The following ITGAL variants were observed in gnomAD, a reference collection of about 807,000 sequenced individuals.
The protein encoded by ITGAL is integrin alpha-L.
A neutral mutation model predicts 138.4 loss-of-function variants in ITGAL; 68 were observed. The observed-to-expected ratio is 0.49, with a 90% confidence interval of 0.40 to 0.60. ITGAL has a LOEUF of 0.60. ITGAL is among the 20% of genes least tolerant of loss of function. ITGAL has a pLI of 0.00. For missense variants in ITGAL, 1,256 were observed against 1,478.6 expected (o/e 0.85, Z 2.47); for synonymous variants, 561 against 584.3 (o/e 0.96, Z 0.57).
intron 4 of ITGAL, among the ~76,000 whole-genome samples, chr16:30,478,446 C>A (rs1424887283): frequency 6.6e-6 from 1 of 151,346 alleles, no homozygotes; most frequent in East Asian, 1.9e-4. Flanking sequence ...TGCCTGTAAT[C>A]CCAGCACTTT....
At chr16:30,479,949 A>C (rs1452996713) in intron 6 of ITGAL, among the ~76,000 whole-genome samples, 1 of 151,392 alleles carries the variant, frequency 6.6e-6, no homozygotes, top group Non-Finnish European at 1.5e-5. Context: ...GTGCACAGCC[A>C]TTTTTTCTTT....
chr16:30,479,069 CT>C, intron 4 of ITGAL, 21 bp from the exon 5 acceptor site: 1 of 1,593,196 alleles, frequency 6.3e-7, no homozygotes. Flanking sequence ...AGACCCAAAT[CT>C]TTGGCCTTTG....
intron 1 of ITGAL, 43 bp from the exon 2 acceptor site, chr16:30,474,153 C>A: frequency 7.0e-7 from 1 of 1,431,432 alleles, no homozygotes; most frequent in Non-Finnish European, 9.6e-7. Context: ...CGTGCAGGGG[C>A]GGGGGTCCCT....
rs771642499 is a variant in ITGAL, at chr16:30,489,104, T to C, written c.1029T>C (p.Thr343=). The C allele has an allele frequency of 2.0e-5, 32 of 1,613,856 alleles. No homozygotes were observed. The East Asian group carries it at 7.1e-4, about 36-fold the overall frequency. ...VIEGTSKQDL[T]SFNMELSSSG... ...CAGGCACAAGCAAACAGGACCTGACTTCCTTCAACATGGAGCTGTCCTCCA... is the reference window on the plus strand; with the variant it reads ...CAGGCACAAGCAAACAGGACCTGACCTCCTTCAACATGGAGCTGTCCTCCA... Residue 343 remains threonine (T), a synonymous_variant, in exon 10 of 31, where the codon ACT becomes ACC. Coordinates refer to ENST00000356798, the MANE Select transcript of ITGAL (RefSeq NM_002209.3).
At position 30,494,479 on chromosome 16, in the gene ITGAL, GATC is replaced by G; in HGVS notation, c.1365+118_1365+120del. The G allele has an allele frequency of 8.3e-7, 1 of 1,209,572 alleles. No individual in the cohort carries two copies. The allele number at this position is 1,209,572 out of a possible 1,614,324, so 74.9% of individuals were successfully genotyped here. A position where few individuals can be genotyped will look rare whatever the true frequency, so the allele number is the denominator to read the frequency against. ...ATGTGGCAGCCCCTGTGCTAAACAT[GATC>G]ACATTTATCCCTCATAACACACAGA... On this transcript the variant is annotated intron_variant, in intron 12 of 30. Coordinates refer to ENST00000356798, the MANE Select transcript of ITGAL (RefSeq NM_002209.3). The surrounding 1 kb of genome is among the most constrained non-coding windows in gnomAD (Gnocchi z 4.2).
intron 6 of ITGAL, chr16:30,480,569 A>G (rs2050538667): frequency 6.6e-6 from 1 of 152,216 alleles, no homozygotes; most frequent in African/African-American, 2.4e-5. Context: ...CCCAGAAAAC[A>G]GGAGCTCAAC....
Position 30,494,136 on chromosome 16 carries a change from G to T in ITGAL, c.1214-76G>T. On this transcript the variant is annotated intron_variant, in intron 11 of 30. Transcript: ENST00000356798. This position sits in a 1 kb window ranked among gnomAD's most constrained non-coding sequence, Gnocchi z 4.2. ...TCTGCTACTAACCCAATTCCCTGGGGCCCCTGCCCCTCTCCTGCTGGGTGT... is the reference window on the plus strand; with the variant it reads ...TCTGCTACTAACCCAATTCCCTGGGTCCCCTGCCCCTCTCCTGCTGGGTGT... The T allele has an allele frequency of 7.2e-7, 1 of 1,381,216 alleles. No individual in the cohort carries two copies. Among genetic ancestry groups the T allele is most frequent in the African/African-American group, 1.4e-5 (1 of 69,862 alleles). 85.6% of individuals were successfully genotyped at this position (1,381,216 alleles called of 1,614,324 possible).
In ITGAL at chr16:30,517,827, C is replaced by T. The variant is rs2051192573; in HGVS notation, c.3064C>T (p.Pro1022Ser). 6.2e-7 allele frequency: 1 copy of T among 1,614,144 alleles called. No individual in the cohort carries two copies. Among genetic ancestry groups the T allele is most frequent in the Non-Finnish European group, 8.5e-7 (1 of 1,180,030 alleles). The change falls in exon 28 of 31, where the codon CCT becomes TCT. Residue 1022 changes from proline (P) to serine (S), a missense_variant. By Grantham distance (74) the Pro-to-Ser change is moderately conservative. This residue lies in a region of ITGAL where 867 missense variants were observed against 972.5 expected (regional missense o/e 0.89). Transcript: ENST00000356798. ...PCLPGALFRC[P>S]VVFRQEILVQ... Reference sequence around the variant, plus strand: ...TCTCCCCGGAGCCCTGTTCCGCTGCCCTGTTGTCTTCAGGCAGGAGATCCT... The same window carrying T: ...TCTCCCCGGAGCCCTGTTCCGCTGCTCTGTTGTCTTCAGGCAGGAGATCCT...
chr16:30,488,327 T>C (rs886842121), intron 9 of ITGAL, among the ~76,000 whole-genome samples: 8 of 151,460 alleles, frequency 5.3e-5, no homozygotes, highest in Non-Finnish European at 8.8e-5. Flanking sequence ...ATTAGGTGAG[T>C]GGGGGTGCCA....
intron 20 of ITGAL, among the ~76,000 whole-genome samples, chr16:30,506,121 A>G (rs1173359102): frequency 1.3e-5 from 2 of 151,854 alleles, no homozygotes; most frequent in Non-Finnish European, 2.9e-5. Context: ...TTAGCCAGGC[A>G]TGGTGGCACG....
At position 30,506,933 on chromosome 16, in the gene ITGAL, A is replaced by G. The variant is rs1020716755; in HGVS notation, c.2508+77A>G. 5 of 1,546,448 alleles carry G rather than the reference A, an allele frequency of 3.2e-6. No homozygotes were observed. In the African/African-American group the frequency reaches 6.8e-5, roughly 21 times the overall value. ...CCCCTTCTTTGAGCCCCAGGCAGCC[A>G]GGACAGCCTGAACACATGGGCAGCT... On this transcript the variant is annotated intron_variant, in intron 21 of 30. Coordinates refer to ENST00000356798, the MANE Select transcript of ITGAL (RefSeq NM_002209.3).
intron 17 of ITGAL, among the ~76,000 whole-genome samples, chr16:30,503,441 C>CTTT (rs3075685): frequency 2.3e-5 from 3 of 133,196 alleles, no homozygotes; most frequent in African/African-American, 5.7e-5. Context: ...TTTTCATTTT[C>CTTT]TTTTTTTTTT....
chr16:30,478,646 C>T (rs1417087651), intron 4 of ITGAL, among the ~76,000 whole-genome samples: 1 of 143,446 alleles, frequency 7.0e-6, no homozygotes, highest in Middle Eastern at 3.9e-3. Flanking sequence ...TGCAGTGAGC[C>T]GAGATCATGC....
intron 1 of ITGAL, among the ~76,000 whole-genome samples, chr16:30,473,622 G>C (rs2050423910): frequency 6.6e-6 from 1 of 152,174 alleles, no homozygotes; most frequent in South Asian, 2.1e-4. Context: ...TAAACTCCAT[G>C]CGGGGAGAGA....
At position 30,517,677 on chromosome 16, in the gene ITGAL, A is replaced by T. The variant is rs772725815; in HGVS notation, c.3005A>T (p.Asp1002Val). ...MEPPVPCHYE[D>V]LERLPDAAEP... The stretch of plus-strand genomic sequence containing the variant: ...CCTCCCGTGCCCTGCCACTATGAGG[A>T]TCTGGAGAGGCTCCCGGATGCAGCT... The change falls in exon 27 of 31, where the codon GAT becomes GTT. Residue 1002 changes from aspartate (D) to valine (V), a missense_variant. By Grantham distance (152) the Asp-to-Val change is radical. This residue lies in a region of ITGAL where 867 missense variants were observed against 972.5 expected (regional missense o/e 0.89). Coordinates refer to ENST00000356798, the MANE Select transcript of ITGAL (RefSeq NM_002209.3). The T allele has an allele frequency of 1.9e-6, 3 of 1,614,114 alleles. No individual in the cohort carries two copies. Among genetic ancestry groups the T allele is most frequent in the Non-Finnish European group, 2.5e-6 (3 of 1,179,984 alleles).
chr16:30,479,092 C>T lies in ITGAL; in HGVS notation c.329C>T (p.Ala110Val). The T allele has an allele frequency of 1.9e-6, 3 of 1,613,178 alleles. No homozygotes were observed. The highest frequency in any genetic ancestry group is 2.5e-6 in the Non-Finnish European group (3 of 1,179,490). ...ATDPTDGSIL[A>V]CDPGLSRTCD... ...ATCTTTGGCCTTTGCTTTCTTTAGGCCTGTGACCCTGGGCTGTCTCGAACG... is the reference window on the plus strand; with the variant it reads ...ATCTTTGGCCTTTGCTTTCTTTAGGTCTGTGACCCTGGGCTGTCTCGAACG... Residue 110 changes from alanine (A) to valine (V), a missense_variant and splice_region_variant, in exon 5 of 31, where the codon GCC (alanine) becomes GTC (valine). By Grantham distance (64) the Ala-to-Val change is moderately conservative. This residue lies in a region of ITGAL where 212 missense variants were observed against 217.4 expected (regional missense o/e 0.98). Transcript: ENST00000356798.
At chr16:30,473,029 G>C (rs546164366) in intron 1 of ITGAL, 131 bp downstream of exon 1, 38 of 775,210 alleles carry the variant, frequency 4.9e-5, no homozygotes, top group Admixed American at 7.7e-5. Context: ...TGGGGCCCAG[G>C]GATCTTGGAA....
chr16:30,483,677 G>A (rs1053094453), intron 7 of ITGAL, 150 bp from the exon 8 acceptor site: 2 of 771,334 alleles, frequency 2.6e-6, no homozygotes, highest in Non-Finnish European at 4.1e-6. Flanking sequence ...AGGTTTAGAG[G>A]TGACTGCTGC....
Position 30,506,765 on chromosome 16 carries a change from G to A in ITGAL, c.2417G>A (p.Ser806Asn). Reference protein sequence around the residue: ...TAFASLSVELSLSNLEEDAYW... With the variant: ...TAFASLSVELNLSNLEEDAYW... ...TTTGCCAGCCTCTCTGTGGAGCTGA[G>A]CCTGAGTAACTTGGAAGAAGATGCT... The change falls in exon 21 of 31, where the codon AGC (serine) becomes AAC (asparagine). Residue 806 changes from serine to asparagine, a missense_variant. This residue lies in a region of ITGAL where 867 missense variants were observed against 972.5 expected (regional missense o/e 0.89). Transcript: ENST00000356798. 1 of 1,613,926 alleles carries A rather than the reference G, an allele frequency of 6.2e-7. No individual in the cohort carries two copies. The highest frequency in any genetic ancestry group is 8.5e-7 in the Non-Finnish European group (1 of 1,179,940).
Sources: gnomAD v4.1 joint callset for allele counts (sites outside exome capture counted in the v4.1 genomes callset) on GRCh38, gnomAD v4.1.1 for gene constraint, gnomAD v4.1.1 regional missense constraint, Gnocchi (gnomAD v3.1) non-coding constraint, MANE v1.5 for transcripts, NCBI Gene and HGNC (gene_info 2026-07-23, HGNC 2026-07-21) for gene names.